Variants in STPG2 observed in about 807,000 individuals in gnomAD.
STPG2 encodes the protein sperm-tail PG-rich repeat-containing protein 2.
STPG2 carries 56 observed loss-of-function variants against 54.2 expected under a neutral mutation model. The observed-to-expected ratio is 1.03, with a 90% CI of 0.83 to 1.29. The LOEUF (loss-of-function observed/expected upper bound fraction) is 1.29, where lower values mean the gene tolerates loss of function less well. STPG2 is among the 50% of genes most tolerant of loss of function. STPG2 has a pLI of 0.00. For synonymous variants in STPG2, 200 were observed against 181.8 expected, an observed-to-expected ratio of 1.10 and a Z score of -0.81; for missense variants, 596 against 544.9, an observed-to-expected ratio of 1.09 and a Z score of -0.93.
intron 9 of STPG2, among the ~76,000 whole-genome samples, chr4:97,827,664 G>T (rs1285615368): frequency 6.6e-6 from 1 of 152,138 alleles, no homozygotes; most frequent in Non-Finnish European, 1.5e-5. Context: ...TGGCAATATA[G>T]TTATTGCATA....
intron 8 of STPG2, among the ~76,000 whole-genome samples, chr4:97,893,878 TA>T (rs1730858498): frequency 6.6e-6 from 1 of 151,988 alleles, no homozygotes; most frequent in Admixed American, 6.6e-5. Flanking sequence ...CTGAGTCCCC[TA>T]AAATCTATTA....
chr4:97,756,046 C>G (rs901497526), intron 9 of STPG2, among the ~76,000 whole-genome samples: 50 of 151,998 alleles, frequency 3.3e-4, no homozygotes, highest in African/African-American at 1.2e-3. Context: ...TTGTTTCTAA[C>G]TCTCCCCCTC....
chr4:97,566,212 T>G (rs7670937), intron 10 of STPG2, among the ~76,000 whole-genome samples: 6,846 of 152,166 alleles, frequency 0.045, 407 homozygotes, highest in African/African-American at 0.14. Flanking sequence ...CAATCAGTGA[T>G]ACTCCATGGG....
At chr4:97,672,082 A>G (rs985240500) in intron 10 of STPG2, among the ~76,000 whole-genome samples, 6 of 152,050 alleles carry the variant, frequency 3.9e-5, no homozygotes, top group Admixed American at 6.6e-5. Flanking sequence ...TCACAAAAAA[A>G]ATTAAACAGA....
At chr4:97,985,090 T>C (rs1734790474) in intron 5 of STPG2, among the ~76,000 whole-genome samples, 1 of 152,166 alleles carries the variant, frequency 6.6e-6, no homozygotes, top group Non-Finnish European at 1.5e-5. Context: ...TTGTGTAAAG[T>C]AGGTAAATAT....
chr4:97,885,825 A>G (rs1007602182), intron 8 of STPG2, among the ~76,000 whole-genome samples: 3 of 152,196 alleles, frequency 2.0e-5, no homozygotes, highest in African/African-American at 7.2e-5. Flanking sequence ...ACAACTGTAA[A>G]TCAAAATTAG....
At chr4:97,497,735 T>C (rs1730640847) in intron 4 of STPG2, among the ~76,000 whole-genome samples, 1 of 151,896 alleles carries the variant, frequency 6.6e-6, no homozygotes. Flanking sequence ...GCAACACTTT[T>C]AGAGAATCTA....
intron 4 of STPG2, among the ~76,000 whole-genome samples, chr4:97,453,439 G>C (rs758737549): frequency 1.3e-5 from 2 of 152,218 alleles, no homozygotes; most frequent in African/African-American, 2.4e-5. Context: ...CTGCCAGGCT[G>C]AGTGGGCAGA....
chr4:97,805,135 T>C (rs979586583), intron 9 of STPG2, among the ~76,000 whole-genome samples: 2 of 152,196 alleles, frequency 1.3e-5, no homozygotes, highest in African/African-American at 4.8e-5. Context: ...TGGGAAATAT[T>C]GGGTTGAAAC....
At chr4:97,489,692 A>T (rs1412136192) in intron 4 of STPG2, 3 of 151,684 alleles carry the variant, frequency 2.0e-5, no homozygotes, top group Non-Finnish European at 2.9e-5. Context: ...AAATACTAGC[A>T]TCTCTAAGTT....
chr4:97,768,721 A>G (rs1349311416), intron 9 of STPG2, among the ~76,000 whole-genome samples: 2 of 151,536 alleles, frequency 1.3e-5, no homozygotes, highest in African/African-American at 4.8e-5. Context: ...TTTTTTCCCA[A>G]GAAGGAGTCT....
At chr4:97,743,051 A>C (rs116619671) in intron 9 of STPG2, among the ~76,000 whole-genome samples, 1,631 of 151,916 alleles carry the variant, frequency 0.011, 32 homozygotes, top group African/African-American at 0.037. Context: ...TAAAAGTAAA[A>C]AAGCTATTAT....
At chr4:97,664,094 T>C (rs1367931442) in intron 10 of STPG2, among the ~76,000 whole-genome samples, 1 of 152,208 alleles carries the variant, frequency 6.6e-6, no homozygotes, top group African/African-American at 2.4e-5. Flanking sequence ...TTTATGATTC[T>C]TAGATATGTA....
intron 3 of STPG2, among the ~76,000 whole-genome samples, chr4:98,112,661 T>A (rs1300361497): frequency 6.6e-6 from 1 of 152,052 alleles, no homozygotes; most frequent in Non-Finnish European, 1.5e-5. Flanking sequence ...TTCTAAAGAG[T>A]TATCCTGCTT....
intron 7 of STPG2, among the ~76,000 whole-genome samples, chr4:97,948,781 G>C (rs1337076474): frequency 3.9e-5 from 6 of 152,034 alleles, no homozygotes; most frequent in Non-Finnish European, 8.8e-5. Context: ...GAAGATACTT[G>C]CTACAGTTTT....
At chr4:97,901,528 C>A (rs1399606786) in intron 8 of STPG2, among the ~76,000 whole-genome samples, 1 of 151,930 alleles carries the variant, frequency 6.6e-6, no homozygotes, top group Non-Finnish European at 1.5e-5. Context: ...CACATGCTTG[C>A]ACTAACAACA....
chr4:97,540,806 T>A (rs1253548075), intron 4 of STPG2, among the ~76,000 whole-genome samples: 4 of 152,132 alleles, frequency 2.6e-5, no homozygotes, highest in African/African-American at 7.2e-5. Flanking sequence ...GATGGAAGGC[T>A]GGTTCAACAT....
At chr4:97,453,570 A>G (rs1729433609) in intron 4 of STPG2, among the ~76,000 whole-genome samples, 2 of 152,196 alleles carry the variant, frequency 1.3e-5, no homozygotes, top group South Asian at 4.1e-4. Context: ...TGAAATTTTC[A>G]AAGAATTACT....
chr4:97,559,301 G>T (rs1415834102), intron 10 of STPG2, among the ~76,000 whole-genome samples, 184 bp from the exon 11 acceptor site: 2 of 152,082 alleles, frequency 1.3e-5, no homozygotes, highest in Non-Finnish European at 2.9e-5. Context: ...AAAATTAATT[G>T]TGTTGTGAAT....
Sources: gnomAD v4.1 joint callset for allele counts (sites outside exome capture counted in the v4.1 genomes callset) on GRCh38, gnomAD v4.1.1 for gene constraint, MANE v1.5 for transcripts, NCBI Gene and HGNC (gene_info 2026-07-23, HGNC 2026-07-21) for gene names.